The following RCAN1 variants were observed in gnomAD, a reference collection of about 807,000 sequenced individuals.
The protein encoded by RCAN1 is calcipressin-1.
In RCAN1, 11 loss-of-function variants were observed where a neutral mutation model predicts 22.9. The ratio of observed to expected loss-of-function variants is 0.48; its 90% CI spans 0.30 to 0.79. The LOEUF is 0.79. Among genes scored for constraint, RCAN1 ranks in the 30% least tolerant of loss-of-function variants. The pLI is 0.06. For synonymous variants in RCAN1, 136 were observed against 142.3 expected (o/e 0.96, Z 0.32); for missense variants, 291 against 337.8 (o/e 0.86, Z 1.09).
chr21:34,517,937 C>T lies in RCAN1; in HGVS notation c.*147G>A. The stretch of plus-strand genomic sequence containing the variant: ...CAGCATTAGAACAAGGGGACACGGC[C>T]TTGATTCTCTTCTGAGCAACATGAA... On this transcript the variant is annotated 3_prime_UTR_variant, in exon 4 of 4. Coordinates refer to ENST00000313806, the MANE Select transcript of RCAN1 (RefSeq NM_004414.7). 1.1e-6 allele frequency: 1 copy of T among 945,026 alleles called. No homozygotes were observed. The highest frequency in any genetic ancestry group is 3.4e-4 in the Middle Eastern group (1 of 2,926). 58.5% of individuals were successfully genotyped at this position (945,026 alleles called of 1,614,324 possible). A position where few individuals can be genotyped will look rare whatever the true frequency, so the allele number is the denominator to read the frequency against.
intron 1 of RCAN1, among the ~76,000 whole-genome samples, chr21:34,545,310 G>T (rs1409631650): frequency 6.6e-6 from 1 of 152,168 alleles, no homozygotes; most frequent in Non-Finnish European, 1.5e-5. Context: ...CTCGGGCAGA[G>T]GACAATCTGA....
At chr21:34,573,717 T>C (rs1296396429) in intron 1 of RCAN1, among the ~76,000 whole-genome samples, 1 of 152,202 alleles carries the variant, frequency 6.6e-6, no homozygotes, top group East Asian at 1.9e-4. Context: ...TGGTCCTTTC[T>C]CTGGTATGTC....
intron 1 of RCAN1, among the ~76,000 whole-genome samples, chr21:34,611,195 G>A (rs554264189): frequency 6.6e-6 from 1 of 151,898 alleles, no homozygotes; most frequent in Admixed American, 6.6e-5. Context: ...TGTAATTACT[G>A]GTTCAAAGCA....
At chr21:34,563,782 T>C (rs1202773326) in intron 1 of RCAN1, among the ~76,000 whole-genome samples, 2 of 107,030 alleles carry the variant, frequency 1.9e-5, no homozygotes, top group East Asian at 2.3e-4. Context: ...TATATATATA[T>C]ATATATATAT....
At chr21:34,575,378 C>T (rs1291669658) in intron 1 of RCAN1, among the ~76,000 whole-genome samples, 1 of 152,226 alleles carries the variant, frequency 6.6e-6, no homozygotes, top group East Asian at 1.9e-4. Flanking sequence ...ACTTACTGAG[C>T]TTCTAGCGTA....
chr21:34,568,592 AAT>A (rs1237425314), intron 1 of RCAN1, among the ~76,000 whole-genome samples: 3 of 152,122 alleles, frequency 2.0e-5, no homozygotes, highest in African/African-American at 7.2e-5. Context: ...CCACTGGAGG[AAT>A]TGCATGCTAA....
intron 1 of RCAN1, among the ~76,000 whole-genome samples, chr21:34,593,292 T>C (rs1892597): frequency 0.76 from 114,936 of 152,170 alleles, 43,627 homozygotes; most frequent in East Asian, 0.95. Flanking sequence ...AACATAATAC[T>C]ACTAGCCCTC....
chr21:34,549,393 C>A (rs1176615587), intron 1 of RCAN1, among the ~76,000 whole-genome samples: 2 of 152,134 alleles, frequency 1.3e-5, no homozygotes, highest in Non-Finnish European at 2.9e-5. Flanking sequence ...CATTTTCTAA[C>A]CTGAAGGTGG....
At chr21:34,606,307 C>T (rs1988524901) in intron 1 of RCAN1, among the ~76,000 whole-genome samples, 2 of 152,152 alleles carry the variant, frequency 1.3e-5, no homozygotes, top group Non-Finnish European at 2.9e-5. Flanking sequence ...CAGACGGCCC[C>T]TTCTCTGCTG....
chr21:34,552,393 AT>A (rs900630132), intron 1 of RCAN1, among the ~76,000 whole-genome samples: 1 of 152,156 alleles, frequency 6.6e-6, no homozygotes, highest in African/African-American at 2.4e-5. Context: ...GAACATGCCA[AT>A]TTTTACCACG....
At chr21:34,564,571 AAG>A (rs1316427443) in intron 1 of RCAN1, among the ~76,000 whole-genome samples, 1 of 152,186 alleles carries the variant, frequency 6.6e-6, no homozygotes, top group African/African-American at 2.4e-5. Context: ...GCCAGTGAAT[AAG>A]AGTGGAATAG....
intron 1 of RCAN1, among the ~76,000 whole-genome samples, chr21:34,595,746 A>G (rs1470886762): frequency 1.3e-5 from 2 of 152,320 alleles, no homozygotes; most frequent in East Asian, 3.9e-4. Context: ...CACTGCTCCC[A>G]ACACCCACTC....
At chr21:34,525,586 AT>A in intron 1 of RCAN1, 1 of 441,796 alleles carries the variant, frequency 2.3e-6, no homozygotes, top group Non-Finnish European at 3.9e-6. Context: ...TTTGAAGAAT[AT>A]TTTTAGAATA....
intron 1 of RCAN1, among the ~76,000 whole-genome samples, chr21:34,544,062 T>C (rs568158019): frequency 2.4e-4 from 36 of 152,374 alleles, no homozygotes; most frequent in African/African-American, 8.4e-4. Flanking sequence ...CATAGGTAGG[T>C]GCTTTTCAGA....
intron 1 of RCAN1, among the ~76,000 whole-genome samples, chr21:34,538,705 G>T (rs74679034): frequency 2.0e-5 from 3 of 152,062 alleles, no homozygotes; most frequent in Non-Finnish European, 4.4e-5. Context: ...CAGGAGGACC[G>T]GGCCTTGATA....
chr21:34,595,429 C>T (rs183284602), intron 1 of RCAN1, among the ~76,000 whole-genome samples: 4 of 152,342 alleles, frequency 2.6e-5, no homozygotes, highest in Admixed American at 1.3e-4. Context: ...AGAATAGAAT[C>T]CTAGTAATTT....
chr21:34,519,326 G>GGTCA (rs1406996017), intron 3 of RCAN1, among the ~76,000 whole-genome samples: 6 of 151,842 alleles, frequency 4.0e-5, no homozygotes, highest in African/African-American at 1.4e-4. Context: ...GTGGCCTCAT[G>GGTCA]GTCAGTTTTC....
intron 1 of RCAN1, among the ~76,000 whole-genome samples, chr21:34,553,451 C>G (rs1441968630): frequency 6.6e-6 from 1 of 152,180 alleles, no homozygotes; most frequent in African/African-American, 2.4e-5. Flanking sequence ...TAGCACACAG[C>G]TCACGCTGGC....
intron 1 of RCAN1, among the ~76,000 whole-genome samples, chr21:34,609,694 A>G (rs1231686374): frequency 6.6e-6 from 1 of 152,154 alleles, no homozygotes; most frequent in Non-Finnish European, 1.5e-5. Context: ...TAACATTTAA[A>G]GCTACTGCTA....
Sources: allele counts gnomAD v4.1 joint callset (sites outside exome capture counted in the v4.1 genomes callset), GRCh38; gene constraint gnomAD v4.1.1; transcripts MANE v1.5; gene names NCBI Gene and HGNC (gene_info 2026-07-23, HGNC 2026-07-21).